FXR2: variants seen among roughly 807,000 people sequenced by gnomAD.
The protein encoded by FXR2 is FMR1 autosomal homolog 2.
In FXR2, 9 loss-of-function variants were observed where a neutral mutation model predicts 87.3. The observed-to-expected ratio is 0.10, with a 90% CI of 0.06 to 0.18. The LOEUF is 0.18. Ranked by LOEUF, FXR2 falls within the 10% of genes least tolerant of loss-of-function variation. FXR2 has a pLI of 1.00. For missense variants in FXR2, 661 were observed against 893.6 expected (o/e 0.74, Z 3.32); for synonymous variants, 331 against 328.3 (o/e 1.01, Z -0.09).
rs753780713 is a variant in FXR2, at chr17:7,594,365, G to A, written c.911-18C>T. ...CACTTTGCCTGGAATAGGTAAATGA[G>A]GAATTCAGCCTTTTATTTTTTTTAA... On this transcript the variant is annotated intron_variant, in intron 9 of 16. Coordinates refer to ENST00000250113, the MANE Select transcript of FXR2 (RefSeq NM_004860.4). This position sits in a 1 kb window ranked among gnomAD's most constrained non-coding sequence, Gnocchi z 5.1. The A allele has an allele frequency of 6.9e-7, 1 of 1,449,274 alleles. No individual in the cohort carries two copies. The highest frequency in any genetic ancestry group is 1.1e-5 in the South Asian group (1 of 87,034). 89.8% of individuals were successfully genotyped at this position (1,449,274 alleles called of 1,614,324 possible).
At chr17:7,596,254 T>C in intron 7 of FXR2, 1 of 309,112 alleles carries the variant, frequency 3.2e-6, no homozygotes, top group Non-Finnish European at 6.1e-6. Flanking sequence ...GCCTCTCGAC[T>C]TCAAGTGATT....
In FXR2 at chr17:7,592,234, A is replaced by G; in HGVS notation, c.1926+20T>C. The G allele has an allele frequency of 6.3e-7, 1 of 1,582,660 alleles. No homozygotes were observed. Among genetic ancestry groups the G allele is most frequent in the Non-Finnish European group, 8.7e-7 (1 of 1,151,700 alleles). ...TAACAACAAAAAAGGGATGGGGTAA[A>G]GCACATCTTGCCTGCCTACCTTCTG... On this transcript the variant is annotated intron_variant, in intron 16 of 16. Transcript: ENST00000250113. This position sits in a 1 kb window ranked among gnomAD's most constrained non-coding sequence, Gnocchi z 4.8.
intron 1 of FXR2, among the ~76,000 whole-genome samples, chr17:7,608,335 T>C (rs2071820766): frequency 6.6e-6 from 1 of 151,198 alleles, no homozygotes; most frequent in Non-Finnish European, 1.5e-5. Context: ...AGCACACGCC[T>C]GTAATCCCAA....
chr17:7,595,116 TA>T lies in FXR2; in HGVS notation c.832-360del, dbSNP rs1169848289. 7.7e-4 allele frequency among the ~76,000 whole-genome samples: 98 copies of T among 126,914 alleles called. 2 individuals carry two copies. Among genetic ancestry groups the T allele is most frequent in the African/African-American group, 1.6e-3 (56 of 34,234 alleles). 83.3% of individuals were successfully genotyped at this position (126,914 alleles called of 152,430 possible). On this transcript the variant is annotated intron_variant, in intron 8 of 16. Coordinates refer to ENST00000250113, the MANE Select transcript of FXR2 (RefSeq NM_004860.4). This position sits in a 1 kb window ranked among gnomAD's most constrained non-coding sequence, Gnocchi z 4.7. ...ACAGAGTGAGTTAGACTCCATCTCA[TA>T]AAAAAAAAAAATTAAACAAATAAAT...
chr17:7,609,908 ATATG>A (rs1258105541), intron 1 of FXR2, among the ~76,000 whole-genome samples: 3 of 143,138 alleles, frequency 2.1e-5, no homozygotes, highest in African/African-American at 7.8e-5. Context: ...ACATACATAT[ATATG>A]TATATATACA....
intron 6 of FXR2, among the ~76,000 whole-genome samples, chr17:7,601,974 C>A (rs2071760371): frequency 6.6e-6 from 1 of 152,024 alleles, no homozygotes; most frequent in South Asian, 2.1e-4. Flanking sequence ...ATTGTCAGTC[C>A]CACAAAGGCT....
intron 6 of FXR2, 41 bp downstream of exon 6, chr17:7,602,868 G>A (rs922708759): frequency 2.4e-5 from 22 of 934,980 alleles, no homozygotes; most frequent in Non-Finnish European, 3.6e-5. Context: ...AAGAAAAAAT[G>A]TTCAAAAGGC....
chr17:7,613,046 GA>G (rs1326243429), intron 1 of FXR2, among the ~76,000 whole-genome samples: 1 of 143,668 alleles, frequency 7.0e-6, no homozygotes, highest in Admixed American at 7.1e-5. Context: ...CTTAGCAACT[GA>G]AGTACAGGCA....
intron 7 of FXR2, among the ~76,000 whole-genome samples, chr17:7,599,241 G>A (rs963516354): frequency 1.3e-5 from 2 of 151,948 alleles, no homozygotes; most frequent in African/African-American, 4.8e-5. Context: ...AGAGACTGCA[G>A]TGAGCTGAGA....
Position 7,605,086 on chromosome 17 carries a change from C to T in FXR2, c.228+559G>A, listed in dbSNP as rs564166766. 4.4e-4 allele frequency among the ~76,000 whole-genome samples: 67 copies of T among 151,928 alleles called. 1 individual carries two copies. The South Asian group carries it at 0.01, about 24-fold the overall frequency. Reference sequence around the variant, plus strand: ...GAAGGAACTAATTAAAATCAGAGGACGGCAGGGCATGGTGGCTCATGCCTG... The same window carrying T: ...GAAGGAACTAATTAAAATCAGAGGATGGCAGGGCATGGTGGCTCATGCCTG... On this transcript the variant is annotated intron_variant, in intron 3 of 16. Coordinates refer to ENST00000250113, the MANE Select transcript of FXR2 (RefSeq NM_004860.4).
Position 7,592,559 on chromosome 17 carries a change from G to C in FXR2, c.1770C>G (p.Arg590=), listed in dbSNP as rs1477879583. 6.2e-6 allele frequency: 10 copies of C among 1,613,860 alleles called. No homozygotes were observed. The highest frequency in any genetic ancestry group is 7.6e-6 in the Non-Finnish European group (9 of 1,179,880). ...SRPQRRNRSR[R]RRNRGNRTDG... The stretch of plus-strand genomic sequence containing the variant: ...CAGTCCGATTACCACGGTTACGGCG[G>C]CGGCGGCTGCGATTACGACGTTGAG... Residue 590 remains arginine, a synonymous_variant, in exon 15 of 17, where the codon CGC becomes CGG. Transcript: ENST00000250113. The surrounding 1 kb of genome is among the most constrained non-coding windows in gnomAD (Gnocchi z 4.8).
At chr17:7,611,671 TA>T (rs921658436) in intron 1 of FXR2, among the ~76,000 whole-genome samples, 15 of 135,746 alleles carry the variant, frequency 1.1e-4, no homozygotes, top group Non-Finnish European at 9.7e-5. Context: ...CTGTCTCAAA[TA>T]AAAAAAAAAG....
In FXR2 at chr17:7,614,509, C is replaced by T; in HGVS notation, c.24G>A (p.Gly8=). The part of the protein sequence containing the change: MGGLASG[G]DVEPGLPVEV... ...CGACGGGCAGTCCCGGCTCCACATC[C>T]CCCCCAGAGGCCAGGCCGCCCATGG... The change falls in exon 1 of 17, where the codon GGG becomes GGA. Residue 8 remains glycine, a synonymous_variant. Transcript: ENST00000250113. 1 of 1,525,066 alleles carries T rather than the reference C, an allele frequency of 6.6e-7. No individual in the cohort carries two copies. The highest frequency in any genetic ancestry group is 8.8e-7 in the Non-Finnish European group (1 of 1,140,060). The allele number at this position is 1,525,066 out of a possible 1,614,324, so 94.5% of individuals were successfully genotyped here.
rs1319666255 is a variant in FXR2, at chr17:7,595,203, A to G, written c.832-446T>C. On this transcript the variant is annotated intron_variant, in intron 8 of 16. Coordinates refer to ENST00000250113, the MANE Select transcript of FXR2 (RefSeq NM_004860.4). The surrounding 1 kb of genome is among the most constrained non-coding windows in gnomAD (Gnocchi z 4.7). ...ACAGCGGCTCACACCCATAATCTCA[A>G]CAGTTTCGGAGGCTAAGAAGGGAGG... Among the ~76,000 whole-genome samples the G allele has an allele frequency of 1.3e-5, 2 of 152,118 alleles. No individual in the cohort carries two copies. The highest frequency in any genetic ancestry group is 3.9e-4 in the East Asian group (2 of 5,192).
intron 1 of FXR2, among the ~76,000 whole-genome samples, chr17:7,610,555 A>G (rs2071855213): frequency 6.6e-6 from 1 of 152,090 alleles, no homozygotes; most frequent in African/African-American, 2.4e-5. Context: ...CTCAACCCTT[A>G]TATTTCCAGG....
In FXR2 at chr17:7,592,247, T is replaced by A; in HGVS notation, c.1926+7A>T. 6.2e-7 allele frequency: 1 copy of A among 1,602,452 alleles called. No individual in the cohort carries two copies. The highest frequency in any genetic ancestry group is 8.6e-7 in the Non-Finnish European group (1 of 1,169,472). On this transcript the variant is annotated splice_region_variant and intron_variant, in intron 16 of 16. Coordinates refer to ENST00000250113, the MANE Select transcript of FXR2 (RefSeq NM_004860.4). This position sits in a 1 kb window ranked among gnomAD's most constrained non-coding sequence, Gnocchi z 4.8. ...GGGATGGGGTAAAGCACATCTTGCC[T>A]GCCTACCTTCTGTCCTGAAAGAGAG... is the stretch of plus-strand genomic sequence containing the variant.
chr17:7,592,003 T>C lies in FXR2; in HGVS notation c.1927-78A>G. On this transcript the variant is annotated intron_variant, in intron 16 of 16. Transcript: ENST00000250113. The surrounding 1 kb of genome is among the most constrained non-coding windows in gnomAD (Gnocchi z 4.8). Reference sequence around the variant, plus strand: ...TTCAGGTGGGAGACATTCCCTACCATCCAAGCCCTCCTGGCATTTGGTGAT... The same window carrying C: ...TTCAGGTGGGAGACATTCCCTACCACCCAAGCCCTCCTGGCATTTGGTGAT... The C allele has an allele frequency of 8.4e-7, 1 of 1,188,788 alleles. No individual in the cohort carries two copies. Among genetic ancestry groups the C allele is most frequent in the Non-Finnish European group, 1.2e-6 (1 of 838,736 alleles). 73.6% of individuals were successfully genotyped at this position (1,188,788 alleles called of 1,614,324 possible). A position where few individuals can be genotyped will look rare whatever the true frequency, so the allele number is the denominator to read the frequency against.
intron 7 of FXR2, among the ~76,000 whole-genome samples, chr17:7,600,253 C>A (rs2071743471): frequency 6.6e-6 from 1 of 150,498 alleles, no homozygotes; most frequent in South Asian, 2.1e-4. Context: ...GGCTGAAGTG[C>A]AATGGCGCAA....
In FXR2 at chr17:7,614,559, C is replaced by T. The variant is rs759684574; in HGVS notation, c.-27G>A. The T allele has an allele frequency of 1.4e-6, 2 of 1,414,082 alleles. No individual in the cohort carries two copies. The highest frequency in any genetic ancestry group is 1.9e-6 in the Non-Finnish European group (2 of 1,077,316). 87.6% of individuals were successfully genotyped at this position (1,414,082 alleles called of 1,614,324 possible). On this transcript the variant is annotated 5_prime_UTR_variant, in exon 1 of 17. Coordinates refer to ENST00000250113, the MANE Select transcript of FXR2 (RefSeq NM_004860.4). ...GCGCCGCCACCGCCTCCGACTCCCC[C>T]GGCGGCGGCTGCAGCAGCAGTCTGA... is the stretch of plus-strand genomic sequence containing the variant.
Sources: gnomAD v4.1 joint callset for allele counts (sites outside exome capture counted in the v4.1 genomes callset) on GRCh38, gnomAD v4.1.1 for gene constraint, Gnocchi (gnomAD v3.1) non-coding constraint, MANE v1.5 for transcripts, NCBI Gene and HGNC (gene_info 2026-07-23, HGNC 2026-07-21) for gene names.